DDAH1: variants seen among roughly 807,000 people sequenced by gnomAD.
DDAH1 encodes the protein dimethylarginine dimethylaminohydrolase 1.
Under a neutral mutation model 28.8 loss-of-function variants are expected in DDAH1, and 19 were observed. That is an observed-to-expected ratio of 0.66 (90% CI 0.46 to 0.97). The LOEUF (loss-of-function observed/expected upper bound fraction) is 0.97. Ranked by LOEUF, DDAH1 falls within the 50% of genes least tolerant of loss-of-function variation. The pLI, the probability that DDAH1 is intolerant of heterozygous loss-of-function variation, is 0.00. For missense variants in DDAH1, 326 were observed against 375.9 expected, an observed-to-expected ratio of 0.87 and a Z score of 1.10; for synonymous variants, 153 against 154.4, an observed-to-expected ratio of 0.99 and a Z score of 0.07.
At chr1:85,420,135 A>G (rs1027496552) in intron 1 of DDAH1, among the ~76,000 whole-genome samples, 7 of 152,074 alleles carry the variant, frequency 4.6e-5, no homozygotes, top group Non-Finnish European at 8.8e-5. Flanking sequence ...GCAGGGCAGC[A>G]CACTCCCTGG....
intron 4 of DDAH1, among the ~76,000 whole-genome samples, chr1:85,337,591 C>T (rs1648219771): frequency 1.3e-5 from 2 of 151,840 alleles, no homozygotes; most frequent in Admixed American, 6.6e-5. Flanking sequence ...GTAGCTGGGA[C>T]TACAGGCACA....
chr1:85,493,715 C>T (rs1407578622), intron 2 of DDAH1: 1 of 152,136 alleles, frequency 6.6e-6, no homozygotes, highest in Non-Finnish European at 1.5e-5. Context: ...AAGCATGTGC[C>T]TGGAACGCTA....
intron 1 of DDAH1, among the ~76,000 whole-genome samples, chr1:85,457,509 C>T (rs1654942024): frequency 6.6e-6 from 1 of 152,126 alleles, no homozygotes; most frequent in Non-Finnish European, 1.5e-5. Flanking sequence ...CTCCCCAGCA[C>T]CAAACATTCA....
At chr1:85,404,107 G>T (rs1430177284) in intron 1 of DDAH1, among the ~76,000 whole-genome samples, 1 of 151,770 alleles carries the variant, frequency 6.6e-6, no homozygotes, top group Non-Finnish European at 1.5e-5. Flanking sequence ...ATATTTTTAA[G>T]CCCATACGAA....
chr1:85,391,687 T>C (rs1421369681), intron 1 of DDAH1, among the ~76,000 whole-genome samples: 1 of 152,218 alleles, frequency 6.6e-6, no homozygotes, highest in Non-Finnish European at 1.5e-5. Flanking sequence ...TTGAAAGCCA[T>C]TACCAAAGTG....
chr1:85,464,976 A>C lies in DDAH1; in HGVS notation c.70T>G (p.Ser24Ala), dbSNP rs984740818. ...THAVVRALPE[S>A]LGQHALRSAK... ...CTTCTCAGCGCGTGCTGGCCGAGCG[A>C]CTCGGGTAGCGCCCGCACCACGGCG... The change falls in exon 1 of 6, where the codon TCG becomes GCG. Residue 24 changes from serine to alanine, a missense_variant. Ser to Ala is a moderately conservative substitution (Grantham distance 99, BLOSUM62 1). Coordinates refer to ENST00000284031, the MANE Select transcript of DDAH1 (RefSeq NM_012137.4). The surrounding 1 kb of genome is among the most constrained non-coding windows in gnomAD (Gnocchi z 4.4). 3 of 1,458,748 alleles carry C rather than the reference A, an allele frequency of 2.1e-6. No homozygotes were observed. The highest frequency in any genetic ancestry group is 2.7e-6 in the Non-Finnish European group (3 of 1,109,218). The allele number at this position is 1,458,748 out of a possible 1,614,324, so 90.4% of individuals were successfully genotyped here.
Position 85,358,643 on chromosome 1 carries a change from T to C in DDAH1, c.403+105A>G, listed in dbSNP as rs143086576. The C allele has an allele frequency of 1.9e-3, 1,683 of 875,178 alleles. 25 individuals are homozygous for C. The African/African-American group carries it at 0.026, about 14-fold the overall frequency. 54.2% of individuals were successfully genotyped at this position (875,178 alleles called of 1,614,324 possible). ...CGGCCTAGGTGACAGCGAGACTCTG[T>C]CTCAAAAACAAAAACAAAAAAACAC... On this transcript the variant is annotated intron_variant, in intron 2 of 5. Coordinates refer to ENST00000284031, the MANE Select transcript of DDAH1 (RefSeq NM_012137.4).
chr1:85,549,522 C>T (rs993923139), intron 1 of DDAH1, among the ~76,000 whole-genome samples: 20 of 152,180 alleles, frequency 1.3e-4, no homozygotes, highest in Non-Finnish European at 1.5e-5. Flanking sequence ...ATGAAGTGGA[C>T]ACGGAAGGCA....
At chr1:85,360,266 A>T (rs1416787464) in intron 1 of DDAH1, among the ~76,000 whole-genome samples, 1 of 152,256 alleles carries the variant, frequency 6.6e-6, no homozygotes, top group African/African-American at 2.4e-5. Context: ...CCTGGAACTC[A>T]TGTAAAAATT....
At chr1:85,494,216 C>T (rs754625915) in intron 2 of DDAH1, 1 of 152,062 alleles carries the variant, frequency 6.6e-6, no homozygotes. Context: ...TAAAGTAGTG[C>T]TAGTATTTAT....
chr1:85,442,488 T>A (rs1246607598), intron 1 of DDAH1, among the ~76,000 whole-genome samples: 1 of 152,232 alleles, frequency 6.6e-6, no homozygotes, highest in South Asian at 2.1e-4. Flanking sequence ...GCAATAAACA[T>A]AAGTGTGCAA....
At chr1:85,398,292 T>A (rs919251040) in intron 1 of DDAH1, among the ~76,000 whole-genome samples, 1 of 152,220 alleles carries the variant, frequency 6.6e-6, no homozygotes, top group African/African-American at 2.4e-5. Flanking sequence ...ATACAAATAA[T>A]CAGGTGAAGT....
At chr1:85,487,571 A>T (rs980054403) in intron 2 of DDAH1, among the ~76,000 whole-genome samples, 1 of 152,132 alleles carries the variant, frequency 6.6e-6, no homozygotes, top group Non-Finnish European at 1.5e-5. Context: ...TTGTTATTAA[A>T]TGTTTTTGTT....
intron 1 of DDAH1, among the ~76,000 whole-genome samples, chr1:85,447,420 A>G (rs914410166): frequency 6.6e-6 from 1 of 152,190 alleles, no homozygotes; most frequent in Non-Finnish European, 1.5e-5. Context: ...GTGGGCCACA[A>G]GGAAGCTTAA....
rs191807816 is a variant in DDAH1 at position 85,379,745 on chromosome 1, T to C, written c.304-20898A>G. On this transcript the variant is annotated intron_variant, in intron 1 of 5. Coordinates refer to ENST00000284031, the MANE Select transcript of DDAH1 (RefSeq NM_012137.4). ...CCCAAACCTGCTGGCATCCTTACTT[T>C]CCAACTCAGTTAATGTCATCACTGT... The C allele has an allele frequency of 1.7e-5, 17 of 975,332 alleles. No individual in the cohort carries two copies. The Admixed American group carries it at 2.5e-4, about 14-fold the overall frequency. The allele number at this position is 975,332 out of a possible 1,614,324, so 60.4% of individuals were successfully genotyped here. A position where few individuals can be genotyped will look rare whatever the true frequency, so the allele number is the denominator to read the frequency against.
chr1:85,559,320 A>G (rs574174613), intron 1 of DDAH1, among the ~76,000 whole-genome samples: 1 of 152,294 alleles, frequency 6.6e-6, no homozygotes, highest in South Asian at 2.1e-4. Context: ...GAAATATATT[A>G]AAATAGGCCT....
chr1:85,525,591 C>T (rs1307978605), intron 1 of DDAH1, among the ~76,000 whole-genome samples: 4 of 49,802 alleles, frequency 8.0e-5, no homozygotes, highest in Non-Finnish European at 1.8e-4. Flanking sequence ...ACACACACTC[C>T]ATACCCTTGA....
At chr1:85,558,075 AC>A (rs1018478322) in intron 1 of DDAH1, among the ~76,000 whole-genome samples, 1 of 152,088 alleles carries the variant, frequency 6.6e-6, no homozygotes, top group African/African-American at 2.4e-5. Context: ...AAAAAAAAAA[AC>A]ATCAATCTGG....
At chr1:85,483,011 G>A (rs55940591) in intron 2 of DDAH1, among the ~76,000 whole-genome samples, 1 of 152,032 alleles carries the variant, frequency 6.6e-6, no homozygotes, top group Non-Finnish European at 1.5e-5. Context: ...GATCACCTGA[G>A]GTCAGGAGTT....
Sources: allele counts gnomAD v4.1 joint callset (sites outside exome capture counted in the v4.1 genomes callset), GRCh38; gene constraint gnomAD v4.1.1; non-coding constraint Gnocchi (gnomAD v3.1); transcripts MANE v1.5; gene names NCBI Gene and HGNC (gene_info 2026-07-23, HGNC 2026-07-21).